ZAN: variants seen among roughly 807,000 people sequenced by gnomAD.
ZAN encodes zonadhesin.
A neutral mutation model predicts 286.2 loss-of-function variants in ZAN; 260 were observed. That is an observed-to-expected ratio of 0.91 (90% CI 0.82 to 1.01). The LOEUF is 1.01. Among genes scored for constraint, ZAN ranks in the 50% least tolerant of loss-of-function variants. The pLI is 0.00. For missense variants in ZAN, 3,410 were observed against 3,639.2 expected (o/e 0.94, Z 1.62); for synonymous variants, 1,368 against 1,417.5 (o/e 0.97, Z 0.79).
chr7:100,751,055 C>T, intron 12 of ZAN, 127 bp from the exon 13 acceptor site: 1 of 1,361,918 alleles, frequency 7.3e-7, no homozygotes, highest in Non-Finnish European at 9.8e-7. Flanking sequence ...CGGGATGGGG[C>T]TGGACTGTTG....
Position 100,773,488 on chromosome 7 carries a change from C to T in ZAN, c.5629C>T (p.His1877Tyr). ...CTGCACTGACCCAGCGGGCTCCTACCACCCGGTGAGAGGCCAGCTAGGAGG... is the reference window on the plus strand; with the variant it reads ...CTGCACTGACCCAGCGGGCTCCTACTACCCGGTGAGAGGCCAGCTAGGAGG... Reference protein sequence around the residue: ...CGCTDPAGSYHPVGERWYTEN... With the variant: ...CGCTDPAGSYYPVGERWYTEN... Residue 1877 changes from histidine (H) to tyrosine (Y), a missense_variant, in exon 30 of 48, where the codon CAC becomes TAC. Around this residue, in one of 7 missense-constraint regions of ZAN, gnomAD observed 1,289 missense variants for 1,314.3 expected, o/e 0.98. Transcript: ENST00000613979. The T allele has an allele frequency of 6.2e-7, 1 of 1,613,504 alleles. No individual in the cohort carries two copies. The highest frequency in any genetic ancestry group is 2.2e-5 in the East Asian group (1 of 44,876).
chr7:100,776,412 G>A (rs943632923), intron 33 of ZAN, 28 bp from the exon 34 acceptor site: 1 of 1,594,158 alleles, frequency 6.3e-7, no homozygotes, highest in Non-Finnish European at 8.5e-7. Context: ...TGCTTCCCCA[G>A]CACCGAAAAA....
At chr7:100,772,077 T>C (rs1584603478) in intron 29 of ZAN, 57 bp downstream of exon 29, 2 of 1,368,904 alleles carry the variant, frequency 1.5e-6, no homozygotes, top group South Asian at 2.8e-5. Context: ...AATTCTGCCC[T>C]CCCTTTCTTC....
At chr7:100,743,138 C>T (rs1267842519) in intron 7 of ZAN, among the ~76,000 whole-genome samples, 1 of 150,962 alleles carries the variant, frequency 6.6e-6, no homozygotes, top group African/African-American at 2.4e-5. Context: ...ATTCTCCTGC[C>T]TCAGCCTCCC....
At position 100,758,205 on chromosome 7, in the gene ZAN, G is replaced by A. The variant is rs1320011945; in HGVS notation, c.3313G>A (p.Gly1105Arg). The part of the protein sequence containing the change: ...CFYNNDYYEP[G>R]AEWFSPNCTE... ...ACCTCACATCCCTTTCTCCCAGCCT[G>A]GGGCAGAGTGGTTCAGCCCCAACTG... Residue 1105 changes from glycine (G) to arginine (R), a missense_variant, in exon 16 of 48, where the codon GGG becomes AGG. Physicochemically the swap from Gly to Arg is moderately radical, Grantham distance 125. Coordinates refer to ENST00000613979, the MANE Select transcript of ZAN (RefSeq NM_003386.3). The A allele has an allele frequency of 6.2e-7, 1 of 1,612,206 alleles. No individual in the cohort carries two copies. Among genetic ancestry groups the A allele is most frequent in the Non-Finnish European group, 8.5e-7 (1 of 1,179,230 alleles).
Position 100,735,564 on chromosome 7 carries a change from G to GAAAAGAAA in ZAN, c.54-142_54-135dup, listed in dbSNP as rs1401113147. ...CCTGGGTGCCGGAAAAAAAAAAAAAGAAAAGAAAAAAAGAAAAAAAGTCAA... is the reference window on the plus strand; with the variant it reads ...CCTGGGTGCCGGAAAAAAAAAAAAAGAAAAGAAAAAAAGAAAAAAAGAAAAAAAGTCAA... On this transcript the variant is annotated intron_variant, in intron 2 of 47. Transcript: ENST00000613979. Among the ~76,000 whole-genome samples the GAAAAGAAA allele has an allele frequency of 1.6e-5, 2 of 125,496 alleles. 1 individual carries two copies. Among genetic ancestry groups the GAAAAGAAA allele is most frequent in the Non-Finnish European group, 3.4e-5 (2 of 59,634 alleles). The allele number at this position is 125,496 out of a possible 152,430, so 82.3% of individuals were successfully genotyped here.
At chr7:100,770,935 C>T (rs1331025980) in intron 28 of ZAN, among the ~76,000 whole-genome samples, 1 of 152,124 alleles carries the variant, frequency 6.6e-6, no homozygotes, top group African/African-American at 2.4e-5. Flanking sequence ...TCCCAAGTAG[C>T]TGGGATTACA....
Position 100,773,465 on chromosome 7 carries a change from G to A in ZAN, c.5606G>A (p.Cys1869Tyr), listed in dbSNP as rs1028876489. 1 of 1,613,704 alleles carries A rather than the reference G, an allele frequency of 6.2e-7. No homozygotes were observed. Among genetic ancestry groups the A allele is most frequent in the African/African-American group, 1.3e-5 (1 of 74,930 alleles). ...TSCVPLGQCG[C>Y]TDPAGSYHPV... The stretch of plus-strand genomic sequence containing the variant: ...TGCGTGCCCCTTGGCCAGTGTGGCT[G>A]CACTGACCCAGCGGGCTCCTACCAC... Residue 1869 changes from cysteine (C) to tyrosine (Y), a missense_variant, in exon 30 of 48, where the codon TGC becomes TAC. By Grantham distance (194) the Cys-to-Tyr change is radical. Around this residue, in one of 7 missense-constraint regions of ZAN, gnomAD observed 1,289 missense variants for 1,314.3 expected, o/e 0.98. Transcript: ENST00000613979.
intron 8 of ZAN, 72 bp downstream of exon 8, chr7:100,746,774 A>G: frequency 6.5e-7 from 1 of 1,528,834 alleles, no homozygotes; most frequent in South Asian, 1.2e-5. Flanking sequence ...ATGGGGAAAC[A>G]TGGGGCATCC....
rs1410440738 is a variant in ZAN, at chr7:100,783,803, C to CAT, written c.6623-819_6623-818insTA. On this transcript the variant is annotated intron_variant, in intron 35 of 47. Transcript: ENST00000613979. ...ATATATACACATATATATATATACACACATATATATATACATATATATATA... is the reference window on the plus strand; with the variant it reads ...ATATATACACATATATATATATACACATACATATATATATACATATATATATA... Among the ~76,000 whole-genome samples, 92 of 52,492 alleles carry CAT rather than the reference C, an allele frequency of 1.8e-3. 7 individuals carry two copies. The highest frequency in any genetic ancestry group is 5.8e-3 in the African/African-American group (82 of 14,120). The allele number at this position is 52,492 out of a possible 152,430, so 34.4% of individuals were successfully genotyped here.
chr7:100,746,510 C>A, intron 7 of ZAN, 28 bp from the exon 8 acceptor site: 1 of 1,612,712 alleles, frequency 6.2e-7, no homozygotes, highest in East Asian at 2.2e-5. Flanking sequence ...TTCCATCCAC[C>A]CCAGTTCCCT....
intron 16 of ZAN, 93 bp from the exon 17 acceptor site, chr7:100,758,438 G>A (rs977038944): frequency 1.9e-6 from 3 of 1,579,416 alleles, no homozygotes; most frequent in Non-Finnish European, 2.6e-6. Context: ...GAGGATTGGG[G>A]GCCTGCCACC....
intron 34 of ZAN, among the ~76,000 whole-genome samples, chr7:100,778,626 G>A (rs1810976146): frequency 6.6e-6 from 1 of 151,362 alleles, no homozygotes; most frequent in South Asian, 2.1e-4. Context: ...GAGAGAAGAC[G>A]AGGCCGATGG....
rs377470555 is a variant in ZAN at position 100,792,033 on chromosome 7, G to C, written c.7597G>C (p.Glu2533Gln). The change falls in exon 41 of 48, where the codon GAA (glutamate) becomes CAA (glutamine). Residue 2533 changes from glutamate (E) to glutamine (Q), a missense_variant. By Grantham distance (29) the Glu-to-Gln change is conservative. Transcript: ENST00000613979. ...LGLRTGLQVSECSPEQLASNS... is the reference protein window; with the variant it reads ...LGLRTGLQVSQCSPEQLASNS... The stretch of plus-strand genomic sequence containing the variant: ...CCTCCGCACGGGCCTCCAAGTGTCC[G>C]AATGTAGCCCGGAGCAGCTGGCGAG... 1.5e-5 allele frequency: 25 copies of C among 1,613,320 alleles called. No homozygotes were observed. In the African/African-American group the frequency reaches 3.1e-4, roughly 20 times the overall value.
intron 7 of ZAN, among the ~76,000 whole-genome samples, chr7:100,742,271 C>T (rs1454432928): frequency 9.1e-6 from 1 of 109,658 alleles, no homozygotes; most frequent in Non-Finnish European, 2.0e-5. Context: ...AGACGATGGG[C>T]GGCCGGGCAG....
At chr7:100,753,577 C>G (rs1808934856) in intron 14 of ZAN, among the ~76,000 whole-genome samples, 1 of 151,784 alleles carries the variant, frequency 6.6e-6, no homozygotes, top group Non-Finnish European at 1.5e-5. Context: ...AATCCCAGCA[C>G]TTTGGGGGGC....
chr7:100,784,522 A>G, intron 35 of ZAN, 101 bp from the exon 36 acceptor site: 1 of 1,189,632 alleles, frequency 8.4e-7, no homozygotes, highest in South Asian at 1.5e-5. Context: ...AAGCTCCCCA[A>G]GCCTTGTTGG....
At chr7:100,750,146 T>G (rs1375567846) in intron 11 of ZAN, among the ~76,000 whole-genome samples, 2 of 151,422 alleles carry the variant, frequency 1.3e-5, no homozygotes, top group African/African-American at 4.9e-5. Context: ...ATTCCCTTTT[T>G]TTCTTTTTTG....
Position 100,764,206 on chromosome 7 carries a change from G to T in ZAN, c.4267+10G>T. 1 of 1,531,296 alleles carries T rather than the reference G, an allele frequency of 6.5e-7. No individual in the cohort carries two copies. Among genetic ancestry groups the T allele is most frequent in the Non-Finnish European group, 8.8e-7 (1 of 1,139,404 alleles). 94.9% of individuals were successfully genotyped at this position (1,531,296 alleles called of 1,614,324 possible). A position where few individuals can be genotyped will look rare whatever the true frequency, so the allele number is the denominator to read the frequency against. On this transcript the variant is annotated intron_variant, in intron 22 of 47. Transcript: ENST00000613979. ...GAACCCCACTTCTGCCGTGAGTTGTGCCAAACTCAGAGGAGAGGCCGGGCA... is the reference window on the plus strand; with the variant it reads ...GAACCCCACTTCTGCCGTGAGTTGTTCCAAACTCAGAGGAGAGGCCGGGCA...
Sources: allele counts gnomAD v4.1 joint callset (sites outside exome capture counted in the v4.1 genomes callset), GRCh38; gene constraint gnomAD v4.1.1; regional missense constraint gnomAD v4.1.1; transcripts MANE v1.5; gene names NCBI Gene and HGNC (gene_info 2026-07-23, HGNC 2026-07-21).